Variants in THSD4 observed in about 807,000 individuals in gnomAD.
THSD4 encodes thrombospondin type 1 domain containing 4.
A neutral mutation model predicts 119.0 loss-of-function variants in THSD4; 69 were observed. The observed-to-expected ratio is 0.58, with a 90% CI of 0.48 to 0.71. The LOEUF (loss-of-function observed/expected upper bound fraction) is 0.71, where lower values mean the gene tolerates loss of function less well. Among genes scored for constraint, THSD4 ranks in the 30% least tolerant of loss-of-function variants. The pLI is 0.00. For missense variants in THSD4, 1,393 were observed against 1,391.1 expected, an observed-to-expected ratio of 1.00 and a Z score of -0.02; for synonymous variants, 524 against 540.4, an observed-to-expected ratio of 0.97 and a Z score of 0.42.
rs1043180011 is a variant in THSD4, at chr15:71,576,334, A to ATGTT, written c.1153-84182_1153-84179dup. Among the ~76,000 whole-genome samples, 17 of 152,244 alleles carry ATGTT rather than the reference A, an allele frequency of 1.1e-4. No individual in the cohort carries two copies. In the East Asian group the frequency reaches 1.7e-3, roughly 16 times the overall value. ...TGCAGTTGAGCTCCTATTAAAAACC[A>ATGTT]TGTTTGTTTGTTTGTTTTTAAAGAT... On this transcript the variant is annotated intron_variant, in intron 7 of 17. Transcript: ENST00000261862.
intron 7 of THSD4, among the ~76,000 whole-genome samples, chr15:71,482,650 A>G (rs185382033): frequency 6.7e-6 from 1 of 150,094 alleles, no homozygotes; most frequent in African/African-American, 2.5e-5. Flanking sequence ...CAGTGACTCG[A>G]TCTTGGCTCA....
At chr15:71,502,651 C>T (rs570838342) in intron 7 of THSD4, among the ~76,000 whole-genome samples, 1 of 152,266 alleles carries the variant, frequency 6.6e-6, no homozygotes, top group South Asian at 2.1e-4. Context: ...AGACGCAAAA[C>T]AGTTGACTTG....
At chr15:71,709,444 G>A (rs981861987) in intron 8 of THSD4, among the ~76,000 whole-genome samples, 3 of 152,120 alleles carry the variant, frequency 2.0e-5, no homozygotes, top group African/African-American at 7.2e-5. Context: ...GGAGAAGAAG[G>A]GGCATCACGG....
Position 71,442,598 on chromosome 15 carries a change from A to G in THSD4, c.1152+30775A>G, listed in dbSNP as rs7176665. 3.3e-4 allele frequency among the ~76,000 whole-genome samples: 12 copies of G among 36,650 alleles called. 1 individual carries two copies. The highest frequency in any genetic ancestry group is 6.9e-4 in the African/African-American group (10 of 14,522). 24.0% of individuals were successfully genotyped at this position (36,650 alleles called of 152,430 possible). A position where few individuals can be genotyped will look rare whatever the true frequency, so the allele number is the denominator to read the frequency against. ...AAAAAAAATATATATATATATATAT[A>G]TATGTGTGTGTGTGTGTGTGTATAT... is the stretch of plus-strand genomic sequence containing the variant. On this transcript the variant is annotated intron_variant, in intron 7 of 17. Coordinates refer to ENST00000261862, the MANE Select transcript of THSD4 (RefSeq NM_024817.3).
At chr15:71,111,685 C>T (rs78870344), upstream of THSD4, 3,984 of 544,060 alleles carry the variant, frequency 7.3e-3, 127 homozygotes, top group African/African-American at 0.066. Context: ...GTACCTCCTT[C>T]AGAGCTTGAA....
At chr15:71,541,653 G>T (rs4777408) in intron 7 of THSD4, among the ~76,000 whole-genome samples, 1 of 152,154 alleles carries the variant, frequency 6.6e-6, no homozygotes. Context: ...TGTTGCTTCA[G>T]GGTACCTCAT....
At chr15:71,523,495 G>C (rs1250960197) in intron 7 of THSD4, among the ~76,000 whole-genome samples, 2 of 152,136 alleles carry the variant, frequency 1.3e-5, no homozygotes, top group Non-Finnish European at 2.9e-5. Context: ...TCCAAATAAG[G>C]CCAGATTCCA....
rs938486556 is a variant in THSD4 at position 71,782,867 on chromosome 15, G to A, written c.*5493G>A. ...TGGAGAAGGAAATGGGAGGGTGTCTGTTATCCCTTTCTCTTTGCTTTGTCC... is the reference window on the plus strand; with the variant it reads ...TGGAGAAGGAAATGGGAGGGTGTCTATTATCCCTTTCTCTTTGCTTTGTCC... On this transcript the variant is annotated 3_prime_UTR_variant, in exon 18 of 18. Transcript: ENST00000261862. 2.6e-5 allele frequency: 4 copies of A among 152,200 alleles called. No individual in the cohort carries two copies. The highest frequency in any genetic ancestry group is 9.7e-5 in the African/African-American group (4 of 41,420). The allele number at this position is 152,200 out of a possible 1,614,324, so 9.4% of individuals were successfully genotyped here.
At chr15:71,733,774 G>C (rs1004794084) in intron 10 of THSD4, 1 of 151,920 alleles carries the variant, frequency 6.6e-6, no homozygotes, top group Non-Finnish European at 1.5e-5. Context: ...ACAAAAAGCA[G>C]CTGGATGTGG....
chr15:71,602,106 G>A (rs1435849582), intron 7 of THSD4, among the ~76,000 whole-genome samples: 1 of 152,146 alleles, frequency 6.6e-6, no homozygotes, highest in Non-Finnish European at 1.5e-5. Context: ...GGTAAGAACA[G>A]ACAGGAGGGG....
chr15:71,694,385 T>G (rs1291904482), intron 8 of THSD4, among the ~76,000 whole-genome samples: 1 of 152,242 alleles, frequency 6.6e-6, no homozygotes, highest in Non-Finnish European at 1.5e-5. Context: ...TTAATAAAGG[T>G]CTGGCATCTT....
intron 7 of THSD4, among the ~76,000 whole-genome samples, chr15:71,485,656 A>G (rs910482128): frequency 1.2e-4 from 18 of 152,036 alleles, no homozygotes; most frequent in African/African-American, 4.3e-4. Flanking sequence ...CCCTCTACAG[A>G]CCACTTGTCC....
At chr15:71,566,319 A>G (rs2140890548) in intron 7 of THSD4, among the ~76,000 whole-genome samples, 2 of 152,322 alleles carry the variant, frequency 1.3e-5, no homozygotes. Flanking sequence ...AAAAATACCC[A>G]GAAGTCTGTG....
At chr15:71,280,662 G>A (rs866748207) in intron 6 of THSD4, among the ~76,000 whole-genome samples, 6 of 150,516 alleles carry the variant, frequency 4.0e-5, no homozygotes. Context: ...GTTTCTCCTG[G>A]TTTCAGTGTG....
chr15:71,195,253 GAAGTCAAAAT>G (rs989759609), intron 3 of THSD4, among the ~76,000 whole-genome samples: 19 of 152,184 alleles, frequency 1.2e-4, no homozygotes, highest in African/African-American at 4.3e-4. Context: ...AAAAGAGGAT[GAAGTCAAAAT>G]AAGTCAATCC....
intron 15 of THSD4, among the ~76,000 whole-genome samples, chr15:71,759,093 T>C (rs2053590137): frequency 1.3e-5 from 2 of 152,176 alleles, no homozygotes; most frequent in South Asian, 4.1e-4. Flanking sequence ...ACAGCGATCG[T>C]TAGGAAGATG....
chr15:71,436,846 A>G (rs1253607321), intron 7 of THSD4, among the ~76,000 whole-genome samples: 1 of 152,194 alleles, frequency 6.6e-6, no homozygotes, highest in Non-Finnish European at 1.5e-5. Context: ...TTACGGGGAA[A>G]TGAATGGACT....
At chr15:71,212,373 T>A (rs1417057240) in intron 3 of THSD4, among the ~76,000 whole-genome samples, 3 of 152,138 alleles carry the variant, frequency 2.0e-5, no homozygotes, top group African/African-American at 7.2e-5. Context: ...CATGTTTTCT[T>A]CCCCCAGGGA....
intron 6 of THSD4, chr15:71,348,140 G>A (rs1277041996): frequency 6.6e-6 from 1 of 152,188 alleles, no homozygotes; most frequent in Non-Finnish European, 1.5e-5. Context: ...CTTTTGAAAT[G>A]CTTGTTTTCA....
Sources: gnomAD v4.1 joint callset for allele counts (sites outside exome capture counted in the v4.1 genomes callset) on GRCh38, gnomAD v4.1.1 for gene constraint, MANE v1.5 for transcripts, NCBI Gene and HGNC (gene_info 2026-07-23, HGNC 2026-07-21) for gene names.